PDZRN4: variants seen among roughly 807,000 people sequenced by gnomAD.
PDZRN4 encodes PDZ domain containing ring finger 4.
Under a neutral mutation model 99.0 loss-of-function variants are expected in PDZRN4, and 70 were observed. The observed-to-expected ratio is 0.71, with a 90% CI of 0.58 to 0.86. The LOEUF (loss-of-function observed/expected upper bound fraction) is 0.86. Among genes scored for constraint, PDZRN4 ranks in the 40% least tolerant of loss-of-function variants. The pLI is 0.00. For missense variants in PDZRN4, 1,474 were observed against 1,331.2 expected (o/e 1.11, Z -1.67); for synonymous variants, 551 against 501.6 (o/e 1.10, Z -1.32).
intron 3 of PDZRN4, among the ~76,000 whole-genome samples, chr12:41,371,594 G>A (rs1488640086): frequency 6.6e-6 from 1 of 152,100 alleles, no homozygotes; most frequent in Non-Finnish European, 1.5e-5. Context: ...AAATAAAAGA[G>A]TCTGTAACTG....
At chr12:41,206,482 C>T (rs1029741453) in intron 3 of PDZRN4, among the ~76,000 whole-genome samples, 3 of 147,304 alleles carry the variant, frequency 2.0e-5, no homozygotes, top group Non-Finnish European at 4.4e-5. Flanking sequence ...TGTTTTATCA[C>T]GTACCATATT....
intron 5 of PDZRN4, among the ~76,000 whole-genome samples, chr12:41,518,138 ACAG>A (rs1938435009): frequency 1.3e-5 from 2 of 152,072 alleles, no homozygotes; most frequent in African/African-American, 4.8e-5. Context: ...TATTAGGATT[ACAG>A]TTCTCCTTCT....
chr12:41,289,499 G>C (rs1369951963), intron 3 of PDZRN4, among the ~76,000 whole-genome samples: 1 of 152,150 alleles, frequency 6.6e-6, no homozygotes. Flanking sequence ...AAATATAAAT[G>C]CAGGGACTAT....
intron 3 of PDZRN4, among the ~76,000 whole-genome samples, chr12:41,347,555 A>G (rs956658770): frequency 3.3e-5 from 5 of 152,156 alleles, no homozygotes; most frequent in Non-Finnish European, 7.4e-5. Flanking sequence ...GTTCCTTATC[A>G]GATGTGTGCT....
chr12:41,241,851 G>A (rs1424485685), intron 3 of PDZRN4, among the ~76,000 whole-genome samples: 2 of 152,038 alleles, frequency 1.3e-5, no homozygotes, highest in African/African-American at 2.4e-5. Flanking sequence ...ACTCCATAGT[G>A]TTTAGTTGAG....
intron 1 of PDZRN4, 82 bp downstream of exon 1, chr12:41,189,185 C>T: frequency 7.4e-7 from 1 of 1,355,072 alleles, no homozygotes; most frequent in South Asian, 1.3e-5. Flanking sequence ...TTCAGGATTC[C>T]TTTGGAATTG....
At chr12:41,437,827 G>A in intron 3 of PDZRN4, 1 of 1,589,632 alleles carries the variant, frequency 6.3e-7, no homozygotes, top group Non-Finnish European at 8.5e-7. Context: ...CTGTGTTTCT[G>A]GACTGAAGTG....
At chr12:41,507,781 C>G (rs1294953047) in intron 4 of PDZRN4, among the ~76,000 whole-genome samples, 1 of 143,238 alleles carries the variant, frequency 7.0e-6, no homozygotes, top group Non-Finnish European at 1.5e-5. Context: ...ATCTGTTTGT[C>G]TTGGGTATCT....
chr12:41,487,896 TA>T (rs1387517688), intron 3 of PDZRN4, among the ~76,000 whole-genome samples: 2 of 152,226 alleles, frequency 1.3e-5, no homozygotes, highest in African/African-American at 4.8e-5. Context: ...TCGGTAAACA[TA>T]GTAATTGACT....
chr12:41,292,942 A>C (rs1468837810), intron 3 of PDZRN4, among the ~76,000 whole-genome samples: 1 of 151,634 alleles, frequency 6.6e-6, no homozygotes, highest in East Asian at 2.0e-4. Context: ...CTCTCTTAGG[A>C]GGCTCTTTTC....
chr12:41,377,705 C>T (rs1399231615), intron 3 of PDZRN4, among the ~76,000 whole-genome samples: 1 of 151,948 alleles, frequency 6.6e-6, no homozygotes, highest in Non-Finnish European at 1.5e-5. Context: ...GATTGTTCAC[C>T]TCTTTGATTA....
At position 41,537,888 on chromosome 12, in the gene PDZRN4, A is replaced by G. The variant is rs147541872; in HGVS notation, c.1204-14768A>G. ...GATCTGTGAAGAGTCACTAAGACCA[A>G]CCCGCTCATGTGGAGATCTGGTTCT... On this transcript the variant is annotated intron_variant, in intron 5 of 9. Coordinates refer to ENST00000402685, the MANE Select transcript of PDZRN4 (RefSeq NM_001164595.2). Among the ~76,000 whole-genome samples the G allele has an allele frequency of 2.0e-3, 297 of 152,252 alleles. 2 individuals are homozygous for G. The highest frequency in any genetic ancestry group is 6.7e-3 in the African/African-American group (277 of 41,564).
At chr12:41,319,752 C>A (rs549272933) in intron 3 of PDZRN4, among the ~76,000 whole-genome samples, 1 of 152,236 alleles carries the variant, frequency 6.6e-6, no homozygotes, top group Non-Finnish European at 1.5e-5. Flanking sequence ...ATTAAACGTT[C>A]CTAGAGGTAA....
chr12:41,221,329 A>G (rs994539858), intron 3 of PDZRN4, among the ~76,000 whole-genome samples: 10 of 152,182 alleles, frequency 6.6e-5, no homozygotes, highest in Non-Finnish European at 1.5e-4. Flanking sequence ...TGGGTGTGCT[A>G]TTGTAACCCA....
chr12:41,554,943 TC>T, intron 6 of PDZRN4, among the ~76,000 whole-genome samples: 1 of 150,922 alleles, frequency 6.6e-6, no homozygotes, highest in South Asian at 2.1e-4. Context: ...ACGCGGTGGC[TC>T]ACGCCTGTAA....
chr12:41,281,647 G>A (rs762388049), intron 3 of PDZRN4, among the ~76,000 whole-genome samples: 1 of 152,162 alleles, frequency 6.6e-6, no homozygotes, highest in Non-Finnish European at 1.5e-5. Context: ...ATGAAATAAA[G>A]CATGAAGGCA....
At chr12:41,217,756 C>T (rs939780623) in intron 3 of PDZRN4, among the ~76,000 whole-genome samples, 1 of 152,034 alleles carries the variant, frequency 6.6e-6, no homozygotes, top group Non-Finnish European at 1.5e-5. Flanking sequence ...ACCTTCCATC[C>T]TTGGCCTGCT....
intron 5 of PDZRN4, among the ~76,000 whole-genome samples, chr12:41,527,527 A>G (rs1347589143): frequency 6.6e-6 from 1 of 152,208 alleles, no homozygotes; most frequent in East Asian, 1.9e-4. Context: ...GAAAATAACT[A>G]GAACGTTGAG....
At chr12:41,294,698 T>C (rs966355927) in intron 3 of PDZRN4, among the ~76,000 whole-genome samples, 2 of 152,150 alleles carry the variant, frequency 1.3e-5, no homozygotes, top group African/African-American at 4.8e-5. Flanking sequence ...ATGAAAATAC[T>C]TAGAAATTAA....
Sources: gnomAD v4.1 joint callset for allele counts (sites outside exome capture counted in the v4.1 genomes callset) on GRCh38, gnomAD v4.1.1 for gene constraint, MANE v1.5 for transcripts, NCBI Gene and HGNC (gene_info 2026-07-23, HGNC 2026-07-21) for gene names.